UVRAG: variants seen among roughly 807,000 people sequenced by gnomAD.
UVRAG encodes the protein UV radiation resistance associated.
Under a neutral mutation model 78.0 loss-of-function variants are expected in UVRAG, and 19 were observed. The ratio of observed to expected loss-of-function variants is 0.24; its 90% CI spans 0.17 to 0.36. The LOEUF is 0.36. UVRAG is among the 10% of genes least tolerant of loss of function. The probability of loss-of-function intolerance (pLI) is 1.00; values close to 1 mark genes in which losing one functional copy is unlikely to be tolerated. For synonymous variants in UVRAG, 323 were observed against 324.6 expected (o/e 1.00, Z 0.05); for missense variants, 740 against 853.8 (o/e 0.87, Z 1.66).
intron 6 of UVRAG, among the ~76,000 whole-genome samples, chr11:75,946,457 T>G (rs1386606749): frequency 6.6e-6 from 1 of 152,204 alleles, no homozygotes; most frequent in African/African-American, 2.4e-5. Context: ...ACCACAAATT[T>G]AGTGGCTTAA....
At chr11:76,088,457 C>T (rs1388514104) in intron 13 of UVRAG, among the ~76,000 whole-genome samples, 1 of 151,962 alleles carries the variant, frequency 6.6e-6, no homozygotes, top group Non-Finnish European at 1.5e-5. Flanking sequence ...CCCATCTTCT[C>T]CTATGCCACC....
intron 5 of UVRAG, among the ~76,000 whole-genome samples, chr11:75,892,171 C>T (rs928859915): frequency 2.0e-5 from 3 of 152,092 alleles, no homozygotes; most frequent in Non-Finnish European, 2.9e-5. Context: ...AGTTTGTATG[C>T]GTGGTTAGAC....
At chr11:75,821,856 G>A (rs1447219031) in intron 1 of UVRAG, among the ~76,000 whole-genome samples, 1 of 151,956 alleles carries the variant, frequency 6.6e-6, no homozygotes, top group African/African-American at 2.4e-5. Flanking sequence ...ATTAGACTAG[G>A]GTGGTGGTGT....
At chr11:76,022,616 T>C (rs978824360) in intron 12 of UVRAG, among the ~76,000 whole-genome samples, 2 of 152,188 alleles carry the variant, frequency 1.3e-5, no homozygotes, top group African/African-American at 2.4e-5. Flanking sequence ...GGTTACTATT[T>C]GCATGGACTG....
At chr11:76,046,320 C>G (rs1427780580) in intron 12 of UVRAG, among the ~76,000 whole-genome samples, 1 of 151,984 alleles carries the variant, frequency 6.6e-6, no homozygotes, top group Non-Finnish European at 1.5e-5. Context: ...GAAGGGAAAC[C>G]ATAGATGATC....
chr11:75,828,780 C>CACAT (rs1408708733), intron 1 of UVRAG, among the ~76,000 whole-genome samples: 6 of 92,846 alleles, frequency 6.5e-5, no homozygotes, highest in Admixed American at 3.7e-4. Flanking sequence ...TATATACACA[C>CACAT]ATATATATAT....
In UVRAG at chr11:76,040,696, C is replaced by A. The variant is rs150056107; in HGVS notation, c.1226+23716C>A. Among the ~76,000 whole-genome samples, 610 of 152,088 alleles carry A rather than the reference C, an allele frequency of 4.0e-3. 3 individuals are homozygous for A. The highest frequency in any genetic ancestry group is 0.014 in the African/African-American group (580 of 41,502). On this transcript the variant is annotated intron_variant, in intron 12 of 14. Coordinates refer to ENST00000356136, the MANE Select transcript of UVRAG (RefSeq NM_003369.4). ...TCAGCCTCCCGAGTAGCTGGGATTA[C>A]AGGCACGCGCAACCACACCCGGCTT...
chr11:76,078,731 G>T (rs982024748), intron 13 of UVRAG, among the ~76,000 whole-genome samples: 6 of 114,126 alleles, frequency 5.3e-5, no homozygotes, highest in African/African-American at 2.1e-4. Flanking sequence ...GTGAAACCCT[G>T]TCTTTACTCT....
chr11:75,962,760 A>G (rs1033959464), intron 7 of UVRAG, among the ~76,000 whole-genome samples: 1 of 152,196 alleles, frequency 6.6e-6, no homozygotes, highest in Non-Finnish European at 1.5e-5. Context: ...CTGGATTTTT[A>G]GAACCCTTGG....
chr11:75,936,748 A>AC (rs1948380735), intron 6 of UVRAG, among the ~76,000 whole-genome samples: 1 of 152,184 alleles, frequency 6.6e-6, no homozygotes, highest in South Asian at 2.1e-4. Flanking sequence ...AATAATAATA[A>AC]TAAAAAAACC....
Position 76,141,990 on chromosome 11 carries a change from C to G in UVRAG, c.*577C>G, listed in dbSNP as rs1952731808. On this transcript the variant is annotated 3_prime_UTR_variant, in exon 15 of 15. Coordinates refer to ENST00000356136, the MANE Select transcript of UVRAG (RefSeq NM_003369.4). The stretch of plus-strand genomic sequence containing the variant: ...CCTTTAGACCCTACTGTCGCCCCAT[C>G]TTCTCCGTGGATGGGCCATGCGTCC... 1 of 153,288 alleles carries G rather than the reference C, an allele frequency of 6.5e-6. No homozygotes were observed. The highest frequency in any genetic ancestry group is 1.5e-5 in the Non-Finnish European group (1 of 68,906). 9.5% of individuals were successfully genotyped at this position (153,288 alleles called of 1,614,324 possible). A position where few individuals can be genotyped will look rare whatever the true frequency, so the allele number is the denominator to read the frequency against.
chr11:76,144,111 A>G lies in UVRAG; in HGVS notation c.*2698A>G, dbSNP rs1294789653. 6.6e-6 allele frequency among the ~76,000 whole-genome samples: 1 copy of G among 152,178 alleles called. No individual in the cohort carries two copies. Among genetic ancestry groups the G allele is most frequent in the African/African-American group, 2.4e-5 (1 of 41,436 alleles). On this transcript the variant is annotated 3_prime_UTR_variant, in exon 15 of 15. Transcript: ENST00000356136. ...AATGGTGCCCATTTATCCTGACCTA[A>G]CCAGTTATTTAAATAATTTTTTAAA...
intron 8 of UVRAG, among the ~76,000 whole-genome samples, chr11:75,993,777 G>A (rs2135305834): frequency 6.6e-6 from 1 of 152,256 alleles, no homozygotes; most frequent in East Asian, 1.9e-4. Flanking sequence ...AAGTTTAATT[G>A]GCTTACGGTT....
intron 13 of UVRAG, among the ~76,000 whole-genome samples, chr11:76,093,547 G>A (rs1267911120): frequency 6.6e-6 from 1 of 152,136 alleles, no homozygotes; most frequent in African/African-American, 2.4e-5. Flanking sequence ...GCAATGGTTT[G>A]TAGTTCTCCT....
At chr11:75,823,938 T>C (rs936952543) in intron 1 of UVRAG, among the ~76,000 whole-genome samples, 1 of 152,184 alleles carries the variant, frequency 6.6e-6, no homozygotes, top group Non-Finnish European at 1.5e-5. Context: ...AAAAACATGA[T>C]AGAAGCAGAA....
chr11:75,876,358 A>G (rs1048074804), intron 3 of UVRAG, among the ~76,000 whole-genome samples: 3 of 152,164 alleles, frequency 2.0e-5, no homozygotes, highest in Admixed American at 6.5e-5. Flanking sequence ...ATCCAAGTCT[A>G]TATCCAGTGT....
intron 5 of UVRAG, among the ~76,000 whole-genome samples, chr11:75,906,896 C>A (rs1591001890): frequency 6.6e-6 from 1 of 152,272 alleles, no homozygotes; most frequent in Non-Finnish European, 1.5e-5. Flanking sequence ...TGTCCTTATG[C>A]CAGTGCTATC....
At chr11:75,949,963 G>A (rs1948659747) in intron 6 of UVRAG, among the ~76,000 whole-genome samples, 1 of 151,958 alleles carries the variant, frequency 6.6e-6, no homozygotes, top group Admixed American at 6.6e-5. Flanking sequence ...TCATTTATTA[G>A]CTTTCCCTGT....
At position 75,890,953 on chromosome 11, in the gene UVRAG, T is replaced by G. The variant is rs114451504; in HGVS notation, c.507+2050T>G. ...TGTTGTTGTTGTTGTTATTGTTGTTTGTCTTTTTGCTTGTTTTTTTAAGAG... is the reference window on the plus strand; with the variant it reads ...TGTTGTTGTTGTTGTTATTGTTGTTGGTCTTTTTGCTTGTTTTTTTAAGAG... On this transcript the variant is annotated intron_variant, in intron 5 of 14. Coordinates refer to ENST00000356136, the MANE Select transcript of UVRAG (RefSeq NM_003369.4). Among the ~76,000 whole-genome samples the G allele has an allele frequency of 5.0e-3, 758 of 152,226 alleles. 7 individuals carry two copies. Among genetic ancestry groups the G allele is most frequent in the African/African-American group, 0.017 (714 of 41,528 alleles).
Sources: allele counts gnomAD v4.1 joint callset (sites outside exome capture counted in the v4.1 genomes callset), GRCh38; gene constraint gnomAD v4.1.1; transcripts MANE v1.5; gene names NCBI Gene and HGNC (gene_info 2026-07-23, HGNC 2026-07-21).